The following FGGY variants were observed in gnomAD, a reference collection of about 807,000 sequenced individuals.
The protein encoded by FGGY is FGGY carbohydrate kinase domain containing, also known as FGGY carbohydrate kinase domain-containing protein.
A neutral mutation model predicts 71.3 loss-of-function variants in FGGY; 72 were observed. The observed-to-expected ratio is 1.01, with a 90% confidence interval of 0.84 to 1.23. FGGY has a LOEUF of 1.23. FGGY is among the 50% of genes most tolerant of loss of function. The probability of loss-of-function intolerance (pLI) is 0.00; values close to 1 mark genes in which losing one functional copy is unlikely to be tolerated. For missense variants in FGGY, 668 were observed against 682.3 expected (o/e 0.98, Z 0.23); for synonymous variants, 251 against 250.3 (o/e 1.00, Z -0.02).
At chr1:59,513,452 C>T (rs2094564757) in intron 7 of FGGY, among the ~76,000 whole-genome samples, 2 of 152,206 alleles carry the variant, frequency 1.3e-5, no homozygotes, top group Admixed American at 1.3e-4. Flanking sequence ...ATGATTGGTC[C>T]TCCACTTCTC....
At chr1:59,674,900 C>T (rs1352341820) in intron 14 of FGGY, among the ~76,000 whole-genome samples, 1 of 152,158 alleles carries the variant, frequency 6.6e-6, no homozygotes, top group Non-Finnish European at 1.5e-5. Flanking sequence ...ACCACCTGGG[C>T]TCAAATCCTA....
At chr1:59,558,697 C>T (rs965685845) in intron 8 of FGGY, among the ~76,000 whole-genome samples, 8 of 152,070 alleles carry the variant, frequency 5.3e-5, no homozygotes, top group Admixed American at 1.3e-4. Flanking sequence ...AGCAGAGAAC[C>T]GATCTGACCT....
At chr1:59,559,009 A>G (rs968040955) in intron 8 of FGGY, among the ~76,000 whole-genome samples, 2 of 152,160 alleles carry the variant, frequency 1.3e-5, no homozygotes, top group Non-Finnish European at 2.9e-5. Context: ...TTGTCTTCCT[A>G]TGTTCCCTAA....
At chr1:59,730,057 C>T (rs1177896857) in intron 14 of FGGY, among the ~76,000 whole-genome samples, 1 of 152,122 alleles carries the variant, frequency 6.6e-6, no homozygotes, top group Non-Finnish European at 1.5e-5. Context: ...AGTGTGGGCC[C>T]CCTTCCACTA....
chr1:59,323,731 G>A (rs1013882151), intron 2 of FGGY, among the ~76,000 whole-genome samples: 4 of 152,166 alleles, frequency 2.6e-5, no homozygotes, highest in African/African-American at 7.2e-5. Flanking sequence ...AATGACATTA[G>A]TACCTACTTC....
intron 4 of FGGY, among the ~76,000 whole-genome samples, chr1:59,360,321 G>T (rs1390331859): frequency 6.6e-6 from 1 of 152,134 alleles, no homozygotes; most frequent in Non-Finnish European, 1.5e-5. Context: ...GAAGCCTACT[G>T]CAGTTGTCTT....
At chr1:59,420,460 G>T (rs2065217638) in intron 5 of FGGY, among the ~76,000 whole-genome samples, 1 of 152,200 alleles carries the variant, frequency 6.6e-6, no homozygotes, top group African/African-American at 2.4e-5. Context: ...ATACCCCAAA[G>T]GCAGAGGCTG....
chr1:59,563,463 C>A (rs1345233793), intron 8 of FGGY, among the ~76,000 whole-genome samples: 2 of 152,002 alleles, frequency 1.3e-5, no homozygotes, highest in African/African-American at 4.8e-5. Flanking sequence ...GAATAAAATA[C>A]CTAGGTATAC....
chr1:59,688,702 A>G (rs893174020), intron 14 of FGGY, among the ~76,000 whole-genome samples: 3 of 152,024 alleles, frequency 2.0e-5, no homozygotes, highest in African/African-American at 7.3e-5. Flanking sequence ...CCACTTGGGG[A>G]CGTCCAAGAA....
chr1:59,637,931 ACAGAT>A (rs1263560907), intron 10 of FGGY, among the ~76,000 whole-genome samples: 2 of 152,206 alleles, frequency 1.3e-5, no homozygotes, highest in African/African-American at 2.4e-5. Context: ...ATCTGTTTTT[ACAGAT>A]GAGAAGAGGG....
chr1:59,728,755 A>G (rs1406223535), intron 14 of FGGY, among the ~76,000 whole-genome samples: 2 of 151,906 alleles, frequency 1.3e-5, no homozygotes, highest in African/African-American at 2.4e-5. Flanking sequence ...TGTAATTCCT[A>G]TGTTTGTTTC....
At chr1:59,752,570 C>T (rs1194343766) in intron 14 of FGGY, among the ~76,000 whole-genome samples, 1 of 152,206 alleles carries the variant, frequency 6.6e-6, no homozygotes, top group Non-Finnish European at 1.5e-5. Context: ...AAGTCTACCA[C>T]TCATGGAATC....
intron 5 of FGGY, among the ~76,000 whole-genome samples, chr1:59,403,584 C>G (rs2062282082): frequency 6.6e-6 from 1 of 152,114 alleles, no homozygotes; most frequent in Admixed American, 6.5e-5. Context: ...AAGAATCTGC[C>G]AGGTGGGTAT....
intron 8 of FGGY, among the ~76,000 whole-genome samples, chr1:59,593,062 A>T (rs993500782): frequency 1.3e-5 from 2 of 152,266 alleles, no homozygotes; most frequent in African/African-American, 4.8e-5. Context: ...ATACACCCTG[A>T]TGCTGATCTA....
chr1:59,552,424 T>C (rs1171254997), intron 7 of FGGY, among the ~76,000 whole-genome samples: 3 of 152,206 alleles, frequency 2.0e-5, no homozygotes, highest in Non-Finnish European at 2.9e-5. Context: ...CCCCTGTTGC[T>C]AGACCTCTGA....
chr1:59,699,964 T>C (rs1466968814), intron 14 of FGGY, among the ~76,000 whole-genome samples: 1 of 152,210 alleles, frequency 6.6e-6, no homozygotes, highest in Non-Finnish European at 1.5e-5. Context: ...CTATTTGTTC[T>C]CTCCACTGAT....
chr1:59,718,861 C>T (rs1273206686), intron 14 of FGGY, among the ~76,000 whole-genome samples: 1 of 152,224 alleles, frequency 6.6e-6, no homozygotes, highest in African/African-American at 2.4e-5. Context: ...GACTCTCAGC[C>T]CCTGGCCTCC....
At chr1:59,570,371 A>C (rs1431997781) in intron 8 of FGGY, among the ~76,000 whole-genome samples, 1 of 152,208 alleles carries the variant, frequency 6.6e-6, no homozygotes. Context: ...ATAAATGTAA[A>C]ATTAATGTAA....
chr1:59,498,308 T>C (rs2094113244), intron 6 of FGGY, among the ~76,000 whole-genome samples: 1 of 152,210 alleles, frequency 6.6e-6, no homozygotes, highest in Admixed American at 6.5e-5. Flanking sequence ...TAGATTGTAC[T>C]TGTAAAATTC....
Sources: allele counts gnomAD v4.1 joint callset (sites outside exome capture counted in the v4.1 genomes callset), GRCh38; gene constraint gnomAD v4.1.1; transcripts MANE v1.5; gene names NCBI Gene and HGNC (gene_info 2026-07-23, HGNC 2026-07-21).